Variants in PCDHA4 observed in about 807,000 individuals in gnomAD.
PCDHA4 encodes the protein protocadherin alpha-4.
Under a neutral mutation model 61.4 loss-of-function variants are expected in PCDHA4, and 49 were observed. The observed-to-expected ratio is 0.80, with a 90% CI of 0.63 to 1.01. The LOEUF is 1.01. Ranked by LOEUF, PCDHA4 falls within the 50% of genes least tolerant of loss-of-function variation. The probability of loss-of-function intolerance (pLI) is 0.00; values close to 1 mark genes in which losing one functional copy is unlikely to be tolerated. For missense variants in PCDHA4, 1,254 were observed against 1,235.8 expected (o/e 1.01, Z -0.22); for synonymous variants, 590 against 550.3 (o/e 1.07, Z -1.01).
rs577838197 is a variant in PCDHA4, at chr5:140,982,551, A to G, written c.2521A>G (p.Ser841Gly). 28 of 1,614,198 alleles carry G rather than the reference A, an allele frequency of 1.7e-5. No individual in the cohort carries two copies. Among genetic ancestry groups the G allele is most frequent in the South Asian group, 1.2e-4 (11 of 91,088 alleles). The change falls in exon 3 of 4, where the codon AGT (serine) becomes GGT (glycine). Residue 841 changes from serine (S) to glycine (G), a missense_variant. Coordinates refer to ENST00000530339, the MANE Select transcript of PCDHA4 (RefSeq NM_018907.4). ...GPDQQWPTVS[S>G]ATPEPEAGEV... is the part of the protein sequence containing the mutation. ...TGATCAGCAGTGGCCAACAGTATCC[A>G]GTGCAACACCAGGTAAAGAGCTGGG... is the stretch of plus-strand genomic sequence containing the variant.
rs1335716065 is a variant in PCDHA4 at position 140,875,555 on chromosome 5, G to A, written c.2385+65983G>A. On this transcript the variant is annotated intron_variant, in intron 1 of 3. Coordinates refer to ENST00000530339, the MANE Select transcript of PCDHA4 (RefSeq NM_018907.4). ...CTCCTTGCAGCCTGGGAGGTGGGGA[G>A]CGGCCAGCTCCACTACTCCGTCTAC... is the stretch of plus-strand genomic sequence containing the variant. 5 of 1,614,018 alleles carry A rather than the reference G, an allele frequency of 3.1e-6. No individual in the cohort carries two copies. In the East Asian group the frequency reaches 6.7e-5, roughly 22 times the overall value.
In PCDHA4 at chr5:140,856,011, C is replaced by G. The variant is rs782812320; in HGVS notation, c.2385+46439C>G. On this transcript the variant is annotated intron_variant, in intron 1 of 3. Transcript: ENST00000530339. Reference sequence around the variant, plus strand: ...GTCAGATCGTATGTGCGTTCTAGACCGCTGATTCGTCGATTTGTAAAACAA... The same window carrying G: ...GTCAGATCGTATGTGCGTTCTAGACGGCTGATTCGTCGATTTGTAAAACAA... The G allele has an allele frequency of 1.4e-5, 22 of 1,546,178 alleles. 1 individual carries two copies. The highest frequency in any genetic ancestry group is 1.7e-4 in the Middle Eastern group (1 of 5,742).
intron 1 of PCDHA4, among the ~76,000 whole-genome samples, chr5:140,973,030 C>G (rs1274875201): frequency 1.3e-5 from 2 of 152,014 alleles, no homozygotes; most frequent in African/African-American, 4.8e-5. Context: ...TAATGAGTCA[C>G]TTTGAGTACT....
At chr5:140,834,516 G>T (rs2150220231) in intron 1 of PCDHA4, 1 of 1,614,110 alleles carries the variant, frequency 6.2e-7, no homozygotes, top group Non-Finnish European at 8.5e-7. Context: ...TGGCAACTTC[G>T]TGGGCCGCAT....
rs182574783 is a variant in PCDHA4, at chr5:140,952,922, G to A, written c.2386-26027G>A. Among the ~76,000 whole-genome samples the A allele has an allele frequency of 2.3e-3, 351 of 152,216 alleles. 2 individuals carry two copies. Among genetic ancestry groups the A allele is most frequent in the Admixed American group, 5.6e-3 (85 of 15,264 alleles). Reference sequence around the variant, plus strand: ...ATCAAGCTCATCTTACATGGCATGAGCAGGAGCAGGAGCAAGAGAGAGAGA... The same window carrying A: ...ATCAAGCTCATCTTACATGGCATGAACAGGAGCAGGAGCAAGAGAGAGAGA... On this transcript the variant is annotated intron_variant, in intron 1 of 3. Transcript: ENST00000530339.
In PCDHA4 at chr5:140,839,587, A is replaced by C. The variant is rs192015697; in HGVS notation, c.2385+30015A>C. ...GTATTTTTTGTAGAGATGGGGTCTT[A>C]CCATGTTGCCCAGGCTGGTCTCAAA... On this transcript the variant is annotated intron_variant, in intron 1 of 3. Coordinates refer to ENST00000530339, the MANE Select transcript of PCDHA4 (RefSeq NM_018907.4). Among the ~76,000 whole-genome samples, 93 of 152,088 alleles carry C rather than the reference A, an allele frequency of 6.1e-4. 1 individual carries two copies. The highest frequency in any genetic ancestry group is 2.0e-3 in the African/African-American group (82 of 41,446).
intron 3 of PCDHA4, among the ~76,000 whole-genome samples, chr5:140,986,748 A>G (rs2097211627): frequency 6.6e-6 from 1 of 152,220 alleles, no homozygotes; most frequent in Non-Finnish European, 1.5e-5. Flanking sequence ...GGGATCTGGG[A>G]CTAAACAGTG....
chr5:140,822,274 T>C (rs201640591), intron 1 of PCDHA4: 32 of 1,614,098 alleles, frequency 2.0e-5, no homozygotes, highest in Non-Finnish European at 2.5e-5. Flanking sequence ...AAATGCACAA[T>C]TGAGATACAG....
intron 1 of PCDHA4, chr5:140,828,598 C>A (rs2150157215): frequency 1.9e-5 from 30 of 1,614,080 alleles, no homozygotes; most frequent in Non-Finnish European, 2.3e-5. Context: ...CCATCTTAAC[C>A]TATAAACTCA....
rs782120132 is a variant in PCDHA4, at chr5:140,884,464, C to T, written c.2385+74892C>T. On this transcript the variant is annotated intron_variant, in intron 1 of 3. Coordinates refer to ENST00000530339, the MANE Select transcript of PCDHA4 (RefSeq NM_018907.4). ...CGGCACCGCCCACCGAGGGCGCGTG[C>T]GCGCCGGGCAAGCCCACTCTAGTGT... 51 of 1,613,768 alleles carry T rather than the reference C, an allele frequency of 3.2e-5. 1 individual carries two copies. In the East Asian group the frequency reaches 9.6e-4, roughly 30 times the overall value.
At chr5:140,907,712 T>A (rs1562961756) in intron 1 of PCDHA4, among the ~76,000 whole-genome samples, 1 of 152,198 alleles carries the variant, frequency 6.6e-6, no homozygotes, top group African/African-American at 2.4e-5. Context: ...GCTGAGCCCA[T>A]GTGTAACCTC....
chr5:140,966,409 G>C (rs1234170283), intron 1 of PCDHA4: 1 of 419,144 alleles, frequency 2.4e-6, no homozygotes, highest in African/African-American at 2.1e-5. Context: ...CGCGGAATCA[G>C]AGCAGGACTT....
chr5:140,836,517 G>A (rs2150262716), intron 1 of PCDHA4: 2 of 1,613,868 alleles, frequency 1.2e-6, no homozygotes, highest in African/African-American at 2.7e-5. Flanking sequence ...CAGTCTGTTG[G>A]TGCTTACCCT....
chr5:140,979,002 G>A lies in PCDHA4; in HGVS notation c.2439G>A (p.Met813Ile). 6.2e-7 allele frequency: 1 copy of A among 1,614,130 alleles called. No homozygotes were observed. The highest frequency in any genetic ancestry group is 8.5e-7 in the Non-Finnish European group (1 of 1,180,014). ...WRYSASLRAG[M>I]HSSVHLEEAG... ...ACTCTGCCTCCCTGAGAGCAGGCAT[G>A]CACAGGTATGTATTTCCCTCCTCAT... The change falls in exon 2 of 4, where the codon ATG becomes ATA. Residue 813 changes from methionine (M) to isoleucine (I), a missense_variant. Transcript: ENST00000530339.
chr5:140,818,573 A>C (rs1766388565), intron 1 of PCDHA4, among the ~76,000 whole-genome samples: 1 of 152,236 alleles, frequency 6.6e-6, no homozygotes, highest in Non-Finnish European at 1.5e-5. Context: ...ATGGTGGCTC[A>C]TGCCTATAAT....
At chr5:140,898,467 T>G (rs576206648) in intron 1 of PCDHA4, among the ~76,000 whole-genome samples, 147 of 152,296 alleles carry the variant, frequency 9.7e-4, no homozygotes, top group Non-Finnish European at 1.9e-3. Flanking sequence ...CATTGCTTGT[T>G]TTTCTCAGGT....
At chr5:140,971,244 A>G (rs1389573593) in intron 1 of PCDHA4, among the ~76,000 whole-genome samples, 6 of 152,174 alleles carry the variant, frequency 3.9e-5, no homozygotes, top group Non-Finnish European at 8.8e-5. Context: ...GGGCAATTTG[A>G]TACATAAACT....
chr5:140,822,125 A>T, intron 1 of PCDHA4: 1 of 1,614,236 alleles, frequency 6.2e-7, no homozygotes, highest in Non-Finnish European at 8.5e-7. Flanking sequence ...CAGGTTTTCC[A>T]TGTGGAGGTG....
chr5:140,875,371 C>T (rs2055439966), intron 1 of PCDHA4: 2 of 1,451,152 alleles, frequency 1.4e-6, no homozygotes, highest in African/African-American at 1.4e-5. Flanking sequence ...AAAAAATTTA[C>T]TAAATATGTA....
Sources: gnomAD v4.1 joint callset for allele counts (sites outside exome capture counted in the v4.1 genomes callset) on GRCh38, gnomAD v4.1.1 for gene constraint, MANE v1.5 for transcripts, NCBI Gene and HGNC (gene_info 2026-07-23, HGNC 2026-07-21) for gene names.